Variants in DMD observed in about 807,000 individuals in gnomAD.
The protein encoded by DMD is mutant dystrophin.
DMD carries 63 observed loss-of-function variants against 330.1 expected under a neutral mutation model. That is an observed-to-expected ratio of 0.19 (90% CI 0.16 to 0.24). The LOEUF is 0.24. Ranked by LOEUF, DMD falls within the 10% of genes least tolerant of loss-of-function variation. The pLI is 1.00. For synonymous variants in DMD, 1,223 were observed against 959.8 expected, an observed-to-expected ratio of 1.27 and a Z score of -5.07; for missense variants, 3,344 against 2,684.1, an observed-to-expected ratio of 1.25 and a Z score of -5.43.
At chrX:31,308,664 G>A (rs766351790) in intron 62 of DMD, among the ~76,000 whole-genome samples, 2 of 110,729 alleles carry the variant, frequency 1.8e-5, no homozygotes, top group African/African-American at 3.3e-5. Context: ...TTCCTGCTTC[G>A]GCTTCCCAAA....
At chrX:32,182,881 T>C (rs980528764) in intron 44 of DMD, among the ~76,000 whole-genome samples, 3 of 111,841 alleles carry the variant, frequency 2.7e-5, no homozygotes, top group Admixed American at 1.9e-4. Flanking sequence ...TCAGCTATAA[T>C]TTGTTCAATC....
chrX:31,585,707 C>T (rs1233496114), intron 55 of DMD, among the ~76,000 whole-genome samples: 1 of 110,711 alleles, frequency 9.0e-6, no homozygotes, highest in African/African-American at 3.3e-5. Context: ...TTTTGCTGGC[C>T]TAAATTGTTT....
intron 12 of DMD, among the ~76,000 whole-genome samples, chrX:32,602,155 C>T (rs892606672): frequency 3.6e-5 from 4 of 111,810 alleles, no homozygotes; most frequent in African/African-American, 1.3e-4. Flanking sequence ...TTTATTTACA[C>T]TACATTAATA....
chrX:32,242,501 C>T (rs1385577855), intron 43 of DMD, among the ~76,000 whole-genome samples: 1 of 111,563 alleles, frequency 9.0e-6, no homozygotes, highest in East Asian at 2.8e-4. Context: ...ATGTCTAGCA[C>T]GTTGCTATAT....
intron 44 of DMD, among the ~76,000 whole-genome samples, chrX:32,077,401 T>G (rs953651866): frequency 9.0e-6 from 1 of 111,596 alleles, no homozygotes; most frequent in African/African-American, 3.3e-5. Flanking sequence ...CTCAGAAAAT[T>G]TCATAATAAC....
At chrX:32,496,711 A>C (rs1400408460) in intron 19 of DMD, among the ~76,000 whole-genome samples, 1 of 112,998 alleles carries the variant, frequency 8.8e-6, no homozygotes, top group East Asian at 2.8e-4. Context: ...GTGCTCACAC[A>C]CACCCACAGA....
intron 7 of DMD, among the ~76,000 whole-genome samples, chrX:32,740,859 T>A (rs1014452583): frequency 9.0e-6 from 1 of 111,592 alleles, no homozygotes; most frequent in Non-Finnish European, 1.9e-5. Context: ...TCTCAAGTGT[T>A]TACATAACAT....
chrX:32,322,084 A>G (rs930242893), intron 41 of DMD, among the ~76,000 whole-genome samples: 11 of 111,111 alleles, frequency 9.9e-5, no homozygotes, highest in African/African-American at 3.3e-4. Context: ...ACTGACATTA[A>G]TAGTGAAAAA....
At chrX:33,141,264 G>A (rs957153217) in intron 1 of DMD, among the ~76,000 whole-genome samples, 2 of 111,047 alleles carry the variant, frequency 1.8e-5, no homozygotes, top group Non-Finnish European at 3.8e-5. Context: ...CATCTATTGT[G>A]AGGTTGCCAG....
chrX:31,368,351 T>A (rs964683002), intron 60 of DMD, among the ~76,000 whole-genome samples: 2 of 112,181 alleles, frequency 1.8e-5, no homozygotes, highest in African/African-American at 6.5e-5. Flanking sequence ...TTTCCGACGT[T>A]GTGTGAAGTT....
rs1388281187 is a variant in DMD at position 32,291,588 on chromosome X, G to A, written c.6118-3887C>T. ...TGACTGTGTGTTGGGTGAAGAAGAG[G>A]AAGAACTTGAATGAGTCTTAGGTAT... On this transcript the variant is annotated intron_variant, in intron 42 of 78. Coordinates refer to ENST00000357033, the MANE Select transcript of DMD (RefSeq NM_004006.3). Among the ~76,000 whole-genome samples, 5 of 111,711 alleles carry A rather than the reference G, an allele frequency of 4.5e-5. 1 individual carries two copies. In the East Asian group the frequency reaches 1.4e-3, roughly 31 times the overall value.
At chrX:31,574,025 G>GA (rs745816977) in intron 55 of DMD, among the ~76,000 whole-genome samples, 101 of 111,067 alleles carry the variant, frequency 9.1e-4, no homozygotes, top group African/African-American at 3.2e-3. Flanking sequence ...AAACTTGAAG[G>GA]AAAATCACAC....
rs1439821683 is a variant in DMD, at chrX:32,385,625, T to TCTAAATCG, written c.4674+684_4674+685insCGATTTAG. Among the ~76,000 whole-genome samples, 172 of 111,415 alleles carry TCTAAATCG rather than the reference T, an allele frequency of 1.5e-3. 1 individual carries two copies. The highest frequency in any genetic ancestry group is 5.4e-3 in the African/African-American group (167 of 30,870). On this transcript the variant is annotated intron_variant, in intron 33 of 78. Transcript: ENST00000357033. ...GAAGAGACTACTTACTATCATAATC[T>TCTAAATCG]ATACAGAATATTTGAGTTGAGCGAA...
At chrX:31,609,685 G>A (rs2077804475) in intron 55 of DMD, among the ~76,000 whole-genome samples, 1 of 111,883 alleles carries the variant, frequency 8.9e-6, no homozygotes, top group South Asian at 3.7e-4. Context: ...ATTTCAAATT[G>A]GCGTCTCTAT....
At position 32,390,118 on chromosome X, in the gene DMD, C is replaced by G. The variant is rs371601285; in HGVS notation, c.4297G>C (p.Gly1433Arg). The change falls in exon 31 of 79, where the codon GGG (glycine) becomes CGG (arginine). Residue 1433 changes from glycine (G) to arginine (R), a missense_variant. Transcript: ENST00000357033. ...SLEEMKKHNQ[G>R]KEAAQRVLSQ... is the part of the protein sequence containing the mutation. ...AGGACTCTTTGGGCAGCCTCCTTCC[C>G]CTGATTATGTTTCTTCATTTCTTCT... The G allele has an allele frequency of 2.5e-5, 30 of 1,208,932 alleles. No homozygotes were observed. Among genetic ancestry groups the G allele is most frequent in the Non-Finnish European group, 3.1e-5 (28 of 894,361 alleles).
intron 34 of DMD, among the ~76,000 whole-genome samples, chrX:32,368,418 G>A (rs1694563594): frequency 9.0e-6 from 1 of 111,609 alleles, no homozygotes; most frequent in Non-Finnish European, 1.9e-5. Context: ...TGCATGGGAT[G>A]GTTTGGATTG....
At chrX:31,703,836 AG>A (rs1397996413) in intron 52 of DMD, among the ~76,000 whole-genome samples, 1 of 111,546 alleles carries the variant, frequency 9.0e-6, no homozygotes, top group Non-Finnish European at 1.9e-5. Context: ...ATAAAAAAAA[AG>A]ATCAATGAAT....
intron 1 of DMD, among the ~76,000 whole-genome samples, chrX:33,096,484 C>G (rs2095166688): frequency 9.3e-6 from 1 of 107,824 alleles, no homozygotes; most frequent in African/African-American, 3.4e-5. Flanking sequence ...TGAAGCCATG[C>G]TATATTTTGG....
chrX:32,508,235 T>C (rs1184839718), intron 18 of DMD, among the ~76,000 whole-genome samples: 3 of 110,827 alleles, frequency 2.7e-5, no homozygotes, highest in Non-Finnish European at 5.7e-5. Flanking sequence ...AAGCAGTCAA[T>C]GGTATCTGCA....
Sources: allele counts gnomAD v4.1 joint callset (sites outside exome capture counted in the v4.1 genomes callset), GRCh38; gene constraint gnomAD v4.1.1; transcripts MANE v1.5; gene names NCBI Gene and HGNC (gene_info 2026-07-23, HGNC 2026-07-21).